The following NLGN1 variants were observed in gnomAD, a reference collection of about 807,000 sequenced individuals.
The protein encoded by NLGN1 is neuroligin 1, also known as neuroligin-1.
NLGN1 carries 12 observed loss-of-function variants against 65.5 expected under a neutral mutation model. The observed-to-expected ratio is 0.18, with a 90% CI of 0.12 to 0.30. The LOEUF is 0.30. Ranked by LOEUF, NLGN1 falls within the 10% of genes least tolerant of loss-of-function variation. The pLI is 1.00. For synonymous variants in NLGN1, 350 were observed against 359.5 expected, an observed-to-expected ratio of 0.97 and a Z score of 0.30; for missense variants, 750 against 1,007.1, an observed-to-expected ratio of 0.74 and a Z score of 3.46.
rs149949525 is a variant in NLGN1 at position 173,800,001 on chromosome 3, G to T, written c.494-7679G>T. ...CTGTTTACTTTTTTGTATGCAATGG[G>T]TATTTTTTTTTTTTTTTTTAAAAGT... is the stretch of plus-strand genomic sequence containing the variant. On this transcript the variant is annotated intron_variant, in intron 3 of 6. Coordinates refer to ENST00000457714, the Ensembl canonical transcript of NLGN1. Among the ~76,000 whole-genome samples the T allele has an allele frequency of 7.4e-5, 7 of 94,526 alleles. No individual in the cohort carries two copies. The East Asian group carries it at 8.9e-4, about 12-fold the overall frequency. The allele number at this position is 94,526 out of a possible 152,430, so 62.0% of individuals were successfully genotyped here. A position where few individuals can be genotyped will look rare whatever the true frequency, so the allele number is the denominator to read the frequency against.
chr3:173,440,447 A>G (rs747026241), intron 2 of NLGN1, among the ~76,000 whole-genome samples: 8 of 152,178 alleles, frequency 5.3e-5, no homozygotes, highest in Non-Finnish European at 8.8e-5. Flanking sequence ...AGAAATCACT[A>G]TCTATGGCAG....
chr3:173,418,800 T>C (rs1264155018), intron 1 of NLGN1, among the ~76,000 whole-genome samples: 1 of 152,108 alleles, frequency 6.6e-6, no homozygotes, highest in East Asian at 1.9e-4. Flanking sequence ...TAGCTTTATG[T>C]CTTGAGTTTT....
chr3:173,990,657 A>G (rs1471654021), intron 4 of NLGN1, among the ~76,000 whole-genome samples: 3 of 152,142 alleles, frequency 2.0e-5, no homozygotes, highest in East Asian at 3.9e-4. Flanking sequence ...TTCTAGCAGT[A>G]TGTGCCTTCT....
chr3:173,884,738 A>G (rs9835385), intron 4 of NLGN1, among the ~76,000 whole-genome samples: 67,780 of 151,950 alleles, frequency 0.45, 16,606 homozygotes, highest in East Asian at 0.8. Flanking sequence ...TAGTCCATTT[A>G]TACTGCTATA....
intron 4 of NLGN1, among the ~76,000 whole-genome samples, chr3:174,261,434 T>C (rs1746881990): frequency 6.7e-6 from 1 of 149,084 alleles, no homozygotes; most frequent in South Asian, 2.2e-4. Flanking sequence ...GGTATTTTAT[T>C]CTCTTGGAAG....
intron 2 of NLGN1, among the ~76,000 whole-genome samples, chr3:173,547,428 T>C (rs1740054374): frequency 6.6e-6 from 1 of 152,182 alleles, no homozygotes; most frequent in African/African-American, 2.4e-5. Context: ...GATAAATGAA[T>C]GTGCTGCGGA....
At chr3:173,787,297 C>G (rs1317371199) in intron 3 of NLGN1, among the ~76,000 whole-genome samples, 1 of 152,058 alleles carries the variant, frequency 6.6e-6, no homozygotes, top group Non-Finnish European at 1.5e-5. Flanking sequence ...TTCTATCTTT[C>G]TATACTAAAA....
At chr3:174,272,665 GGATA>G (rs779724767) in intron 4 of NLGN1, among the ~76,000 whole-genome samples, 10,293 of 116,526 alleles carry the variant, frequency 0.088, 494 homozygotes, top group Non-Finnish European at 0.11. Context: ...ATGGATGGAT[GGATA>G]GATAGATAGA....
In NLGN1 at chr3:173,451,313, A is replaced by G. The variant is rs1016678902; in HGVS notation, c.-321+16235A>G. On this transcript the variant is annotated intron_variant, in intron 2 of 6. Coordinates refer to ENST00000457714, the Ensembl canonical transcript of NLGN1. ...CTCAGCTGCAGGTCAGTTGGAGTTT[A>G]CTGGAGGTGCACTCCAGACCCTGTT... Among the ~76,000 whole-genome samples, 3 of 152,096 alleles carry G rather than the reference A, an allele frequency of 2.0e-5. No homozygotes were observed. The South Asian group carries it at 6.2e-4, about 32-fold the overall frequency.
At chr3:173,516,660 A>G (rs9290471) in intron 2 of NLGN1, among the ~76,000 whole-genome samples, 2,388 of 152,218 alleles carry the variant, frequency 0.016, 60 homozygotes, top group African/African-American at 0.055. Flanking sequence ...AACAAAGTCC[A>G]GGTTTCTCAA....
intron 3 of NLGN1, among the ~76,000 whole-genome samples, chr3:173,646,359 C>A (rs1195851512): frequency 3.3e-5 from 5 of 152,174 alleles, no homozygotes; most frequent in African/African-American, 1.2e-4. Flanking sequence ...AAGTACACTA[C>A]CCCATGCCTC....
chr3:173,857,818 A>C (rs1400357850), intron 4 of NLGN1, among the ~76,000 whole-genome samples: 7 of 131,090 alleles, frequency 5.3e-5, no homozygotes, highest in African/African-American at 2.1e-4. Flanking sequence ...GAATGAATAT[A>C]TTTAAAAATA....
At chr3:174,245,476 ATCT>A (rs1743622503) in intron 4 of NLGN1, among the ~76,000 whole-genome samples, 2 of 152,142 alleles carry the variant, frequency 1.3e-5, no homozygotes, top group East Asian at 1.9e-4. Flanking sequence ...GAATTCAAAT[ATCT>A]TCTTCTGTTT....
chr3:173,798,070 C>A (rs188597489), intron 3 of NLGN1, among the ~76,000 whole-genome samples: 2 of 151,866 alleles, frequency 1.3e-5, no homozygotes, highest in African/African-American at 2.4e-5. Flanking sequence ...TATAGAGCCC[C>A]GAACAAAATG....
intron 4 of NLGN1, among the ~76,000 whole-genome samples, chr3:174,049,040 G>A (rs563530726): frequency 8.6e-5 from 13 of 151,454 alleles, no homozygotes; most frequent in South Asian, 4.2e-4. Flanking sequence ...ACAGTCCATG[G>A]TGGGTTCAAT....
chr3:173,584,049 G>C (rs1746840435), intron 2 of NLGN1, among the ~76,000 whole-genome samples: 1 of 150,428 alleles, frequency 6.6e-6, no homozygotes, highest in Non-Finnish European at 1.5e-5. Flanking sequence ...GCTACTAACT[G>C]CCATTGGGGA....
intron 2 of NLGN1, among the ~76,000 whole-genome samples, chr3:173,490,743 A>G (rs1323484867): frequency 6.6e-6 from 1 of 152,128 alleles, no homozygotes. Flanking sequence ...ATGTTCTTCC[A>G]TTTGTTTGTA....
At chr3:173,577,703 A>G (rs1282236964) in intron 2 of NLGN1, among the ~76,000 whole-genome samples, 1 of 152,194 alleles carries the variant, frequency 6.6e-6, no homozygotes, top group Non-Finnish European at 1.5e-5. Context: ...CATCAGAAAT[A>G]ATTTTATTCA....
rs1748034114 is a variant in NLGN1 at position 174,265,793 on chromosome 3, A to G, written c.647-9522A>G. On this transcript the variant is annotated intron_variant, in intron 4 of 6. Transcript: ENST00000457714. ...TATATATATATATATGTATATATAT[A>G]TATATATAGCCAAAGTATTTTTATA... 4.8e-5 allele frequency among the ~76,000 whole-genome samples: 7 copies of G among 147,020 alleles called. No homozygotes were observed. The South Asian group carries it at 1.5e-3, about 31-fold the overall frequency.
Sources: allele counts gnomAD v4.1 joint callset (sites outside exome capture counted in the v4.1 genomes callset), GRCh38; gene constraint gnomAD v4.1.1; transcripts MANE v1.5; gene names NCBI Gene and HGNC (gene_info 2026-07-23, HGNC 2026-07-21).